The following EYA2 variants were observed in gnomAD, a reference collection of about 807,000 sequenced individuals.
The protein encoded by EYA2 is EYA transcriptional coactivator and phosphatase 2.
Under a neutral mutation model 69.2 loss-of-function variants are expected in EYA2, and 31 were observed. The observed-to-expected ratio is 0.45, with a 90% CI of 0.34 to 0.60. EYA2 has a LOEUF of 0.60. Ranked by LOEUF, EYA2 falls within the 20% of genes least tolerant of loss-of-function variation. The pLI, the probability that EYA2 is intolerant of heterozygous loss-of-function variation, is 0.02. For missense variants in EYA2, 622 were observed against 701.2 expected (o/e 0.89, Z 1.28); for synonymous variants, 257 against 279.4 (o/e 0.92, Z 0.80).
chr20:47,143,085 C>T lies in EYA2; in HGVS notation c.915C>T (p.Gly305=), dbSNP rs1204464725. The change falls in exon 10 of 16, where the codon GGC becomes GGT. Residue 305 remains glycine, a synonymous_variant. Coordinates refer to ENST00000327619, the MANE Select transcript of EYA2 (RefSeq NM_005244.5). ...ACACCACGACGTCCGTGCGCATTGG[C>T]CTTATGATGGAAGAGATGATCTTCA... ...GKDTTTSVRI[G]LMMEEMIFNL... is the part of the protein sequence containing the mutation. The T allele has an allele frequency of 3.7e-6, 6 of 1,613,924 alleles. No homozygotes were observed.
intron 9 of EYA2, among the ~76,000 whole-genome samples, chr20:47,126,082 A>T (rs1334306298): frequency 6.6e-6 from 1 of 152,242 alleles, no homozygotes; most frequent in Non-Finnish European, 1.5e-5. Context: ...TGCACTTTGC[A>T]GCAACAGTCT....
intron 5 of EYA2, among the ~76,000 whole-genome samples, chr20:47,050,797 A>G (rs2030289944): frequency 6.6e-6 from 1 of 152,208 alleles, no homozygotes; most frequent in Non-Finnish European, 1.5e-5. Flanking sequence ...AAGGGTATAC[A>G]CTTGAAACAA....
intron 1 of EYA2, among the ~76,000 whole-genome samples, chr20:46,973,319 A>G (rs571989799): frequency 6.6e-6 from 1 of 152,234 alleles, no homozygotes; most frequent in South Asian, 2.1e-4. Flanking sequence ...CAACACATCA[A>G]GAGTCTGTAT....
intron 5 of EYA2, among the ~76,000 whole-genome samples, chr20:47,050,227 A>G (rs983429853): frequency 3.3e-5 from 5 of 152,186 alleles, no homozygotes; most frequent in Admixed American, 2.0e-4. Context: ...CTCTCTTGTT[A>G]ACTTTGATCA....
At chr20:46,939,086 T>C (rs1212310866) in intron 1 of EYA2, among the ~76,000 whole-genome samples, 1 of 152,196 alleles carries the variant, frequency 6.6e-6, no homozygotes, top group Non-Finnish European at 1.5e-5. Flanking sequence ...GTCCACCTAG[T>C]TCAGGAGGGG....
intron 1 of EYA2, among the ~76,000 whole-genome samples, chr20:46,975,472 C>A (rs557473123): frequency 6.6e-6 from 1 of 152,122 alleles, no homozygotes; most frequent in African/African-American, 2.4e-5. Context: ...GAGTTCAGGA[C>A]CAGCCTGGGC....
chr20:47,115,740 G>A (rs907932925), intron 9 of EYA2, among the ~76,000 whole-genome samples: 1 of 152,152 alleles, frequency 6.6e-6, no homozygotes, highest in Non-Finnish European at 1.5e-5. Context: ...AGAGGCAAAT[G>A]GGATTGTGCC....
chr20:47,079,876 A>G lies in EYA2; in HGVS notation c.661+5541A>G, dbSNP rs147055810. Among the ~76,000 whole-genome samples, 442 of 152,328 alleles carry G rather than the reference A, an allele frequency of 2.9e-3. 2 individuals are homozygous for G. Among genetic ancestry groups the G allele is most frequent in the African/African-American group, 0.01 (417 of 41,584 alleles). On this transcript the variant is annotated intron_variant, in intron 7 of 15. Coordinates refer to ENST00000327619, the MANE Select transcript of EYA2 (RefSeq NM_005244.5). ...AAAGTTTAAGTGTAGCTTAATACCC[A>G]TATTTACTCATATTCCATAAGGAAT...
chr20:47,035,843 GAAAA>G (rs759181911), intron 5 of EYA2, among the ~76,000 whole-genome samples: 24 of 143,408 alleles, frequency 1.7e-4, no homozygotes, highest in Admixed American at 4.9e-4. Flanking sequence ...CCCCGTCTCT[GAAAA>G]AAAAAAAGAA....
chr20:46,895,274 C>T (rs1983742961), intron 1 of EYA2, among the ~76,000 whole-genome samples: 2 of 152,174 alleles, frequency 1.3e-5, no homozygotes, highest in South Asian at 4.1e-4. Context: ...CTCTCCCGCG[C>T]GCGGGACAAG....
intron 5 of EYA2, among the ~76,000 whole-genome samples, chr20:47,058,515 C>G (rs1205543231): frequency 2.0e-5 from 3 of 152,168 alleles, no homozygotes; most frequent in Admixed American, 1.3e-4. Flanking sequence ...CATACTGGTG[C>G]TGACCCTGGG....
chr20:47,121,796 G>C (rs543393582), intron 9 of EYA2, among the ~76,000 whole-genome samples: 1 of 152,064 alleles, frequency 6.6e-6, no homozygotes, highest in African/African-American at 2.4e-5. Flanking sequence ...CTCTGCCCAA[G>C]ACTACCACGC....
intron 5 of EYA2, among the ~76,000 whole-genome samples, chr20:47,039,834 A>ATTTTT (rs1984938081): frequency 2.9e-5 from 1 of 34,738 alleles, no homozygotes. Flanking sequence ...AAGATCAAAT[A>ATTTTT]CTTTTTTTTT....
intron 4 of EYA2, among the ~76,000 whole-genome samples, chr20:47,008,895 ATCT>A (rs755571214): frequency 6.6e-5 from 10 of 152,236 alleles, no homozygotes; most frequent in Non-Finnish European, 1.2e-4. Context: ...GGGGTTGGCT[ATCT>A]TCTTCTGTAA....
chr20:46,966,291 G>A (rs537567633), intron 1 of EYA2, among the ~76,000 whole-genome samples: 12 of 152,060 alleles, frequency 7.9e-5, no homozygotes, highest in African/African-American at 2.7e-4. Flanking sequence ...CCAGCATACC[G>A]TTCATTCATT....
At chr20:47,177,235 T>C (rs6012127) in intron 12 of EYA2, among the ~76,000 whole-genome samples, 86,667 of 151,408 alleles carry the variant, frequency 0.57, 26,653 homozygotes, top group African/African-American at 0.82. Context: ...ACCTCAGCCT[T>C]CAGAATAGCT....
intron 1 of EYA2, among the ~76,000 whole-genome samples, chr20:46,953,386 G>T (rs3091547): frequency 6.6e-6 from 1 of 152,158 alleles, no homozygotes; most frequent in Non-Finnish European, 1.5e-5. Context: ...AAATCTTGGG[G>T]AATGGTTATG....
rs532048092 is a variant in EYA2, at chr20:46,961,520, G to A, written c.-10-28481G>A. On this transcript the variant is annotated intron_variant, in intron 1 of 15. Transcript: ENST00000327619. ...TATGATCCAGCGATCCCACTACTGG[G>A]TATTATCCAAAGGAAAGGAAATCAA... Among the ~76,000 whole-genome samples, 191 of 152,246 alleles carry A rather than the reference G, an allele frequency of 1.3e-3. 2 individuals carry two copies. The highest frequency in any genetic ancestry group is 2.1e-3 in the Non-Finnish European group (146 of 68,028).
In EYA2 at chr20:47,046,596, A is replaced by AG. The variant is rs766321926; in HGVS notation, c.416-25583dup. On this transcript the variant is annotated intron_variant, in intron 5 of 15. Coordinates refer to ENST00000327619, the MANE Select transcript of EYA2 (RefSeq NM_005244.5). Reference sequence around the variant, plus strand: ...GTGAGCTTTGATGGGAGGCTTGTGTAGGGGGGTGGGCTGGGTCCAAGCCCT... The same window carrying AG: ...GTGAGCTTTGATGGGAGGCTTGTGTAGGGGGGGTGGGCTGGGTCCAAGCCCT... 1.7e-3 allele frequency among the ~76,000 whole-genome samples: 262 copies of AG among 152,222 alleles called. 1 individual carries two copies. The highest frequency in any genetic ancestry group is 0.013 in the South Asian group (64 of 4,812).
Sources: allele counts gnomAD v4.1 joint callset (sites outside exome capture counted in the v4.1 genomes callset), GRCh38; gene constraint gnomAD v4.1.1; transcripts MANE v1.5; gene names NCBI Gene and HGNC (gene_info 2026-07-23, HGNC 2026-07-21).